Variants in ARHGAP6 observed in about 807,000 individuals in gnomAD.
ARHGAP6 encodes rho GTPase-activating protein 6.
ARHGAP6 carries 16 observed loss-of-function variants against 55.7 expected under a neutral mutation model. The ratio of observed to expected loss-of-function variants is 0.29; its 90% CI spans 0.19 to 0.44. ARHGAP6 has a LOEUF of 0.44. ARHGAP6 is among the 20% of genes least tolerant of loss of function. The pLI, the probability that ARHGAP6 is intolerant of heterozygous loss-of-function variation, is 1.00. For missense variants in ARHGAP6, 698 were observed against 808.9 expected (o/e 0.86, Z 1.66); for synonymous variants, 382 against 360.9 (o/e 1.06, Z -0.66).
chrX:11,207,455 A>G (rs1217607676), intron 2 of ARHGAP6, among the ~76,000 whole-genome samples: 1 of 112,291 alleles, frequency 8.9e-6, no homozygotes, highest in Non-Finnish European at 1.9e-5. Context: ...ATTAATAGGA[A>G]TTCCAATAGA....
At chrX:11,375,489 T>G (rs1393122426) in intron 1 of ARHGAP6, among the ~76,000 whole-genome samples, 1 of 112,396 alleles carries the variant, frequency 8.9e-6, no homozygotes, top group Non-Finnish European at 1.9e-5. Flanking sequence ...ATTCTGATCT[T>G]TCTTATTAAA....
At chrX:11,152,668 C>G (rs1487528994) in intron 10 of ARHGAP6, among the ~76,000 whole-genome samples, 1 of 111,927 alleles carries the variant, frequency 8.9e-6, no homozygotes, top group Non-Finnish European at 1.9e-5. Flanking sequence ...TTTTCCTTCT[C>G]CAAACTCCAA....
At chrX:11,462,619 T>G (rs1490357735) in intron 1 of ARHGAP6, among the ~76,000 whole-genome samples, 1 of 112,435 alleles carries the variant, frequency 8.9e-6, no homozygotes, top group African/African-American at 3.2e-5. Flanking sequence ...ATCGATTAAT[T>G]TGATTTTTAT....
chrX:11,208,539 C>T (rs2046741915), intron 2 of ARHGAP6, among the ~76,000 whole-genome samples: 1 of 112,143 alleles, frequency 8.9e-6, no homozygotes, highest in Admixed American at 9.5e-5. Context: ...TGTCCAAACC[C>T]TGCACTTTCC....
intron 1 of ARHGAP6, among the ~76,000 whole-genome samples, chrX:11,345,211 T>A (rs752386113): frequency 8.9e-6 from 1 of 111,887 alleles, no homozygotes; most frequent in Non-Finnish European, 1.9e-5. Context: ...GTTCATACTA[T>A]GCACCAGTGA....
intron 1 of ARHGAP6, among the ~76,000 whole-genome samples, chrX:11,430,625 G>C (rs183345712): frequency 1.2e-3 from 130 of 112,242 alleles, no homozygotes; most frequent in Non-Finnish European, 1.7e-3. Flanking sequence ...ATATATTTCA[G>C]GGTATATTTA....
chrX:11,354,319 C>CTA (rs1569311562), intron 1 of ARHGAP6, among the ~76,000 whole-genome samples: 22 of 67,994 alleles, frequency 3.2e-4, no homozygotes, highest in East Asian at 1.3e-3. Flanking sequence ...CTCTCTCTCT[C>CTA]TCTCTCTCTA....
intron 1 of ARHGAP6, among the ~76,000 whole-genome samples, chrX:11,255,137 T>A (rs1346395500): frequency 8.9e-6 from 1 of 111,809 alleles, no homozygotes; most frequent in Non-Finnish European, 1.9e-5. Flanking sequence ...GGGCATTTTT[T>A]AAAATTGGCA....
intron 1 of ARHGAP6, among the ~76,000 whole-genome samples, chrX:11,509,472 A>C (rs1316359752): frequency 1.8e-5 from 2 of 111,427 alleles, no homozygotes; most frequent in African/African-American, 6.5e-5. Flanking sequence ...GAATCAAATT[A>C]TTTCCAAGTT....
chrX:11,234,406 G>T (rs1207522473), intron 2 of ARHGAP6, among the ~76,000 whole-genome samples: 1 of 112,289 alleles, frequency 8.9e-6, no homozygotes, highest in Non-Finnish European at 1.9e-5. Context: ...ATGCTGCTTT[G>T]CTTTGTTTTA....
chrX:11,441,644 C>A (rs2050040058), intron 1 of ARHGAP6, among the ~76,000 whole-genome samples: 1 of 111,843 alleles, frequency 8.9e-6, no homozygotes. Flanking sequence ...GTAACCCAAG[C>A]ACAGGGGCCA....
intron 1 of ARHGAP6, among the ~76,000 whole-genome samples, chrX:11,317,213 G>T (rs2048369607): frequency 8.9e-6 from 1 of 112,549 alleles, no homozygotes; most frequent in Non-Finnish European, 1.9e-5. Flanking sequence ...CTATGCCAGA[G>T]TTACTCAGCA....
At chrX:11,389,921 T>C (rs1469692608) in intron 1 of ARHGAP6, among the ~76,000 whole-genome samples, 1 of 112,066 alleles carries the variant, frequency 8.9e-6, no homozygotes, top group Non-Finnish European at 1.9e-5. Context: ...TAACCACTAG[T>C]CTAGTTCTAA....
At chrX:11,553,676 C>T (rs1341060899) in intron 1 of ARHGAP6, among the ~76,000 whole-genome samples, 1 of 112,058 alleles carries the variant, frequency 8.9e-6, no homozygotes, top group Non-Finnish European at 1.9e-5. Flanking sequence ...GCGATAATGG[C>T]TTCCAAAAAG....
At chrX:11,329,453 G>A (rs750202436) in intron 1 of ARHGAP6, among the ~76,000 whole-genome samples, 2 of 112,145 alleles carry the variant, frequency 1.8e-5, no homozygotes, top group Non-Finnish European at 3.8e-5. Flanking sequence ...AGTAATTAAT[G>A]ACAGCTGTTT....
intron 1 of ARHGAP6, among the ~76,000 whole-genome samples, chrX:11,397,703 C>G (rs1323464127): frequency 9.0e-6 from 1 of 110,979 alleles, no homozygotes; most frequent in Non-Finnish European, 1.9e-5. Flanking sequence ...TGGTGAGACC[C>G]CATCTCTACA....
intron 2 of ARHGAP6, among the ~76,000 whole-genome samples, chrX:11,221,078 G>T (rs1338523438): frequency 8.9e-6 from 1 of 112,349 alleles, no homozygotes; most frequent in African/African-American, 3.2e-5. Flanking sequence ...AACAAGAAGA[G>T]CTAACTATCC....
intron 1 of ARHGAP6, among the ~76,000 whole-genome samples, chrX:11,546,798 T>C (rs768459750): frequency 6.1e-4 from 69 of 112,308 alleles, no homozygotes; most frequent in African/African-American, 1.9e-3. Flanking sequence ...TTCAATAAAA[T>C]ATTATGCATG....
intron 9 of ARHGAP6, among the ~76,000 whole-genome samples, chrX:11,161,065 A>T (rs1053875154): frequency 8.9e-6 from 1 of 112,523 alleles, no homozygotes; most frequent in African/African-American, 3.2e-5. Flanking sequence ...TCTAAAAAAT[A>T]AAGGAATGAT....
Sources: gnomAD v4.1 joint callset for allele counts (sites outside exome capture counted in the v4.1 genomes callset) on GRCh38, gnomAD v4.1.1 for gene constraint, MANE v1.5 for transcripts, NCBI Gene and HGNC (gene_info 2026-07-23, HGNC 2026-07-21) for gene names.